Variants in ARHGEF10 observed in about 807,000 individuals in gnomAD.
ARHGEF10 encodes the protein Rho guanine nucleotide exchange factor (GEF) 10.
ARHGEF10 carries 140 observed loss-of-function variants against 147.4 expected under a neutral mutation model. The ratio of observed to expected loss-of-function variants is 0.95; its 90% CI spans 0.83 to 1.09. ARHGEF10 has a LOEUF of 1.09. ARHGEF10 is among the 50% of genes least tolerant of loss of function. The probability of loss-of-function intolerance (pLI) is 0.00; values close to 1 mark genes in which losing one functional copy is unlikely to be tolerated. For synonymous variants in ARHGEF10, 902 were observed against 695.8 expected (o/e 1.30, Z -4.67); for missense variants, 2,222 against 1,752.7 (o/e 1.27, Z -4.78).
intron 28 of ARHGEF10, 39 bp downstream of exon 28, chr8:1,952,866 T>C (rs1047692356): frequency 1.2e-6 from 2 of 1,613,320 alleles, no homozygotes; most frequent in East Asian, 4.5e-5. Context: ...GCATCCTGTC[T>C]TGCAGGCTCG....
At chr8:1,877,831 T>G (rs6558558) in intron 8 of ARHGEF10, among the ~76,000 whole-genome samples, 75,338 of 151,710 alleles carry the variant, frequency 0.5, 19,025 homozygotes, top group East Asian at 0.7. Flanking sequence ...ACGCAGTCCT[T>G]GTCTGAGGCT....
At chr8:1,869,102 A>G in intron 6 of ARHGEF10, 92 bp from the exon 7 acceptor site, 1 of 1,182,864 alleles carries the variant, frequency 8.5e-7, no homozygotes, top group African/African-American at 1.5e-5. Flanking sequence ...TTGAATAATC[A>G]TGACATCATC....
intron 23 of ARHGEF10, chr8:1,927,173 A>C (rs370076998): frequency 5.7e-4 from 88 of 154,952 alleles, no homozygotes; most frequent in Middle Eastern, 3.4e-3. Context: ...CCAACCTATG[A>C]ATGGAGGAGT....
chr8:1,935,252 G>T (rs890165536), intron 26 of ARHGEF10, among the ~76,000 whole-genome samples: 1 of 152,064 alleles, frequency 6.6e-6, no homozygotes, highest in Non-Finnish European at 1.5e-5. Context: ...GGAGTGGTGC[G>T]TTTGTTACAG....
intron 4 of ARHGEF10, among the ~76,000 whole-genome samples, chr8:1,861,981 T>C (rs1260659291): frequency 6.6e-6 from 1 of 152,280 alleles, no homozygotes; most frequent in African/African-American, 2.4e-5. Context: ...TGCTTATTTT[T>C]GTTCTGTCAA....
At chr8:1,945,942 G>T in intron 27 of ARHGEF10, 1 of 573,296 alleles carries the variant, frequency 1.7e-6, no homozygotes. Context: ...CTGTAGGTCA[G>T]AGTGGGTGGG....
In ARHGEF10 at chr8:1,922,935, C is replaced by CT. The variant is rs373239929; in HGVS notation, c.2144-20dup. 3,479 of 1,458,734 alleles carry CT rather than the reference C, an allele frequency of 2.4e-3. 7 individuals are homozygous for CT. Among genetic ancestry groups the CT allele is most frequent in the African/African-American group, 0.012 (830 of 71,734 alleles). 90.4% of individuals were successfully genotyped at this position (1,458,734 alleles called of 1,614,324 possible). On this transcript the variant is annotated intron_variant, in intron 18 of 28. Transcript: ENST00000349830. The stretch of plus-strand genomic sequence containing the variant: ...GTAAATATGGCTTTACCTTTGTATT[C>CT]TTTTTTTTTCTTTTTGCTTATTTTG...
At chr8:1,841,099 C>T (rs546981032) in intron 1 of ARHGEF10, among the ~76,000 whole-genome samples, 3 of 152,110 alleles carry the variant, frequency 2.0e-5, no homozygotes, top group Non-Finnish European at 4.4e-5. Context: ...GCATCAGCCA[C>T]CCGCCCTCAG....
At chr8:1,953,986 G>T (rs1815274995) in intron 28 of ARHGEF10, among the ~76,000 whole-genome samples, 1 of 152,148 alleles carries the variant, frequency 6.6e-6, no homozygotes, top group African/African-American at 2.4e-5. Flanking sequence ...CAAGGATTAA[G>T]GAATTCTAGT....
At chr8:1,931,561 G>C (rs138409674) in intron 25 of ARHGEF10, among the ~76,000 whole-genome samples, 51 of 152,204 alleles carry the variant, frequency 3.4e-4, no homozygotes, top group Non-Finnish European at 6.0e-4. Flanking sequence ...GTGTGGGAGC[G>C]TGCGAGGCAG....
At chr8:1,878,884 C>A (rs28450381) in intron 8 of ARHGEF10, among the ~76,000 whole-genome samples, 20,835 of 151,874 alleles carry the variant, frequency 0.14, 1,796 homozygotes, top group East Asian at 0.3. Context: ...AATTACAACC[C>A]GGGAGCGCTG....
chr8:1,871,590 C>T (rs1036605190), intron 7 of ARHGEF10, among the ~76,000 whole-genome samples: 2 of 152,030 alleles, frequency 1.3e-5, no homozygotes, highest in East Asian at 1.9e-4. Flanking sequence ...GAGGCCGAGC[C>T]GGGTGGATCA....
chr8:1,857,896 A>ATCTG, intron 2 of ARHGEF10, 64 bp from the exon 3 acceptor site: 1 of 1,155,050 alleles, frequency 8.7e-7, no homozygotes, highest in Non-Finnish European at 1.3e-6. Context: ...CTATCTATCT[A>ATCTG]TCTATCTATC....
At chr8:1,918,239 A>G (rs1480880098) in intron 18 of ARHGEF10, among the ~76,000 whole-genome samples, 1 of 152,158 alleles carries the variant, frequency 6.6e-6, no homozygotes, top group Non-Finnish European at 1.5e-5. Context: ...GGCAGCGCAC[A>G]TTGTCCCCAT....
chr8:1,826,104 T>C (rs1802753426), intron 1 of ARHGEF10: 1 of 1,594,466 alleles, frequency 6.3e-7, no homozygotes, highest in Non-Finnish European at 8.5e-7. Flanking sequence ...TAACTCTTTA[T>C]AGACAGATGA....
intron 17 of ARHGEF10, among the ~76,000 whole-genome samples, chr8:1,907,725 G>C (rs1365309159): frequency 6.6e-6 from 1 of 152,180 alleles, no homozygotes; most frequent in African/African-American, 2.4e-5. Flanking sequence ...CCTTTCCCAC[G>C]ATGCCAGGGC....
intron 1 of ARHGEF10, among the ~76,000 whole-genome samples, chr8:1,831,843 C>G (rs559718544): frequency 6.6e-6 from 1 of 152,358 alleles, no homozygotes; most frequent in Admixed American, 6.5e-5. Context: ...TTCTCATTCT[C>G]ACCATGGGAT....
rs552714397 is a variant in ARHGEF10, at chr8:1,835,745, C to T, written c.-47-7608C>T. On this transcript the variant is annotated intron_variant, in intron 1 of 28. Coordinates refer to ENST00000349830, the MANE Select transcript of ARHGEF10 (RefSeq NM_014629.4). ...GTGTCCCCACAGTCACGCTGAACAG[C>T]GTCAGGGAGCGCAGTGGCTGTGCTG... 5.3e-5 allele frequency among the ~76,000 whole-genome samples: 8 copies of T among 152,288 alleles called. No homozygotes were observed. The East Asian group carries it at 1.2e-3, about 22-fold the overall frequency.
intron 9 of ARHGEF10, among the ~76,000 whole-genome samples, chr8:1,881,386 C>T (rs1808181433): frequency 6.6e-6 from 1 of 152,160 alleles, no homozygotes; most frequent in African/African-American, 2.4e-5. Flanking sequence ...GGGTTCACAG[C>T]CCAAATCTGG....
Sources: gnomAD v4.1 joint callset for allele counts (sites outside exome capture counted in the v4.1 genomes callset) on GRCh38, gnomAD v4.1.1 for gene constraint, MANE v1.5 for transcripts, NCBI Gene and HGNC (gene_info 2026-07-23, HGNC 2026-07-21) for gene names.